CACNA2D2: variants seen among roughly 807,000 people sequenced by gnomAD.
CACNA2D2 encodes calcium voltage-gated channel auxiliary subunit alpha2delta 2.
Under a neutral mutation model 166.4 loss-of-function variants are expected in CACNA2D2, and 48 were observed. The ratio of observed to expected loss-of-function variants is 0.29; its 90% CI spans 0.23 to 0.37. The LOEUF (loss-of-function observed/expected upper bound fraction) is 0.37, where lower values mean the gene tolerates loss of function less well. Ranked by LOEUF, CACNA2D2 falls within the 10% of genes least tolerant of loss-of-function variation. The pLI, the probability that CACNA2D2 is intolerant of heterozygous loss-of-function variation, is 1.00. For synonymous variants in CACNA2D2, 561 were observed against 573.7 expected, an observed-to-expected ratio of 0.98 and a Z score of 0.32; for missense variants, 1,122 against 1,433.0, an observed-to-expected ratio of 0.78 and a Z score of 3.50.
At chr3:50,499,054 G>A (rs1453848724) in intron 1 of CACNA2D2, among the ~76,000 whole-genome samples, 1 of 152,230 alleles carries the variant, frequency 6.6e-6, no homozygotes, top group East Asian at 1.9e-4. Flanking sequence ...CATTAGCCTG[G>A]AGACGTCCCC....
intron 2 of CACNA2D2, among the ~76,000 whole-genome samples, chr3:50,450,180 C>T (rs1709031549): frequency 6.6e-6 from 1 of 152,224 alleles, no homozygotes; most frequent in African/African-American, 2.4e-5. Context: ...ACCTTCCATG[C>T]ACACAGGACA....
At chr3:50,406,375 A>C (rs573240434) in intron 3 of CACNA2D2, among the ~76,000 whole-genome samples, 7 of 151,862 alleles carry the variant, frequency 4.6e-5, no homozygotes, top group Non-Finnish European at 7.4e-5. Context: ...AGCAAGGGCA[A>C]AGCCCACGAG....
chr3:50,406,029 C>T (rs1451240282), intron 3 of CACNA2D2, among the ~76,000 whole-genome samples: 3 of 151,786 alleles, frequency 2.0e-5, no homozygotes. Flanking sequence ...CAGATTCAGA[C>T]TTCTTGTAGC....
chr3:50,475,390 A>G (rs1710263805), intron 2 of CACNA2D2, among the ~76,000 whole-genome samples: 1 of 152,124 alleles, frequency 6.6e-6, no homozygotes, highest in South Asian at 2.1e-4. Flanking sequence ...TCCTGGCCCA[A>G]GCCCCCGGCA....
chr3:50,365,245 T>TGCGGCC lies in CACNA2D2; in HGVS notation c.3099-67_3099-62dup, dbSNP rs1182337718. ...GCCCCGCCCTGACCCACCCCCATCC[T>TGCGGCC]GCGGCCCCGCCCCCGGCCGCTCGGA... On this transcript the variant is annotated intron_variant, in intron 35 of 37. Coordinates refer to ENST00000424201, the MANE Select transcript of CACNA2D2 (RefSeq NM_006030.4). The surrounding 1 kb of genome is among the most constrained non-coding windows in gnomAD (Gnocchi z 4.5). 1.1e-4 allele frequency: 50 copies of TGCGGCC among 463,372 alleles called. No homozygotes were observed. The highest frequency in any genetic ancestry group is 1.4e-4 in the Non-Finnish European group (47 of 331,352). 28.7% of individuals were successfully genotyped at this position (463,372 alleles called of 1,614,324 possible).
At chr3:50,422,820 C>T (rs1707636964) in intron 3 of CACNA2D2, among the ~76,000 whole-genome samples, 1 of 152,200 alleles carries the variant, frequency 6.6e-6, no homozygotes, top group African/African-American at 2.4e-5. Context: ...CCCTGGAAGC[C>T]GAGTCACCCT....
intron 1 of CACNA2D2, among the ~76,000 whole-genome samples, chr3:50,495,574 T>C (rs1371685182): frequency 1.3e-5 from 2 of 152,218 alleles, no homozygotes; most frequent in Non-Finnish European, 2.9e-5. Context: ...ATGGAGAACA[T>C]GTGGAGGAAT....
chr3:50,480,909 G>GC (rs1698022964), intron 1 of CACNA2D2, among the ~76,000 whole-genome samples: 1 of 2,914 alleles, frequency 3.4e-4, no homozygotes, highest in Non-Finnish European at 1.6e-3. Context: ...GGGGAGGAAA[G>GC]GGGAGGAAGG....
chr3:50,408,165 G>A (rs1706813953), intron 3 of CACNA2D2, among the ~76,000 whole-genome samples: 1 of 152,214 alleles, frequency 6.6e-6, no homozygotes, highest in Non-Finnish European at 1.5e-5. Flanking sequence ...ATGATCAAAT[G>A]GCAGAGCTCA....
At chr3:50,413,502 G>A (rs1707121524) in intron 3 of CACNA2D2, among the ~76,000 whole-genome samples, 1 of 152,106 alleles carries the variant, frequency 6.6e-6, no homozygotes. Flanking sequence ...TGAGGCCTCT[G>A]CTGGGAGGGT....
chr3:50,373,121 C>CA (rs959329664), intron 22 of CACNA2D2: 1 of 1,504,600 alleles, frequency 6.6e-7, no homozygotes, highest in Non-Finnish European at 8.9e-7. Context: ...GCGAGGAAAA[C>CA]AAAAACAACA....
In CACNA2D2 at chr3:50,363,373, C is replaced by T. The variant is rs587706897; in HGVS notation, c.*1293G>A. On this transcript the variant is annotated 3_prime_UTR_variant, in exon 38 of 38. Transcript: ENST00000424201. ...CATCTGAGCCCCATCACTATATCCC[C>T]TTGCCCTCAGTTCCCCACTGGCCCC... 2.5e-6 allele frequency: 1 copy of T among 398,074 alleles called. No homozygotes were observed. The highest frequency in any genetic ancestry group is 1.4e-4 in the South Asian group (1 of 7,320). 24.7% of individuals were successfully genotyped at this position (398,074 alleles called of 1,614,324 possible).
In CACNA2D2 at chr3:50,365,892, A is replaced by G. The variant is rs755397402; in HGVS notation, c.2863-30T>C. 6.2e-7 allele frequency: 1 copy of G among 1,612,824 alleles called. No individual in the cohort carries two copies. The highest frequency in any genetic ancestry group is 8.5e-7 in the Non-Finnish European group (1 of 1,179,884). ...AGTGGAGAGAGGGGCGTGGACTGCC[A>G]CTGCTGCCCCTCGCCCTAGGTCACC... On this transcript the variant is annotated intron_variant, in intron 32 of 37. Transcript: ENST00000424201. This position sits in a 1 kb window ranked among gnomAD's most constrained non-coding sequence, Gnocchi z 4.5.
At chr3:50,397,064 G>A (rs1245622420) in intron 3 of CACNA2D2, among the ~76,000 whole-genome samples, 3 of 152,052 alleles carry the variant, frequency 2.0e-5, no homozygotes, top group Non-Finnish European at 2.9e-5. Context: ...AAACCTTCAG[G>A]CCCCAAAACA....
At chr3:50,394,248 A>C (rs1473561234) in intron 3 of CACNA2D2, 80 bp from the exon 4 acceptor site, 1 of 1,176,908 alleles carries the variant, frequency 8.5e-7, no homozygotes, top group Non-Finnish European at 1.3e-6. Flanking sequence ...CTCCATCCCC[A>C]GCACTCCCTG....
intron 3 of CACNA2D2, among the ~76,000 whole-genome samples, chr3:50,421,049 C>T (rs1213705167): frequency 1.3e-5 from 2 of 152,234 alleles, no homozygotes; most frequent in African/African-American, 2.4e-5. Context: ...GCCCTGCTCA[C>T]TGACCTCCAT....
At chr3:50,504,192 T>C (rs1699104841), upstream of CACNA2D2, 1 of 152,122 alleles carries the variant, frequency 6.6e-6, no homozygotes, top group South Asian at 2.1e-4. Flanking sequence ...GGCTGTACGG[T>C]TGTGGGGGGC....
rs1704423307 is a variant in CACNA2D2 at position 50,367,827 on chromosome 3, T to C, written c.2219A>G (p.Asp740Gly). The change falls in exon 25 of 38, where the codon GAC becomes GGC. Residue 740 changes from aspartate (D) to glycine (G), a missense_variant. Asp to Gly is a moderately conservative substitution (Grantham distance 94). Coordinates refer to ENST00000424201, the MANE Select transcript of CACNA2D2 (RefSeq NM_006030.4). The surrounding 1 kb of genome is among the most constrained non-coding windows in gnomAD (Gnocchi z 6.5). ...TQQLVERVWR[D>G]QDLNTYSLLA... ...TGATGCCTACGTGTTGAGATCCTGG[T>C]CCCTCCACACACGCTCTACCAGCTG... 2 of 1,559,872 alleles carry C rather than the reference T, an allele frequency of 1.3e-6. No homozygotes were observed. Among genetic ancestry groups the C allele is most frequent in the Admixed American group, 1.8e-5 (1 of 55,970 alleles).
chr3:50,480,158 G>A (rs1697984924), intron 1 of CACNA2D2, among the ~76,000 whole-genome samples: 1 of 152,160 alleles, frequency 6.6e-6, no homozygotes, highest in South Asian at 2.1e-4. Context: ...CATACTTAAA[G>A]AGAAACAGAC....
Sources: gnomAD v4.1 joint callset for allele counts (sites outside exome capture counted in the v4.1 genomes callset) on GRCh38, gnomAD v4.1.1 for gene constraint, Gnocchi (gnomAD v3.1) non-coding constraint, MANE v1.5 for transcripts, NCBI Gene and HGNC (gene_info 2026-07-23, HGNC 2026-07-21) for gene names.